HIP1: variants seen among roughly 807,000 people sequenced by gnomAD.
HIP1 encodes the protein huntingtin interacting protein 1.
HIP1 carries 65 observed loss-of-function variants against 147.6 expected under a neutral mutation model. The ratio of observed to expected loss-of-function variants is 0.44; its 90% CI spans 0.36 to 0.54. The LOEUF is 0.54. Among genes scored for constraint, HIP1 ranks in the 20% least tolerant of loss-of-function variants. The pLI, the probability that HIP1 is intolerant of heterozygous loss-of-function variation, is 0.00. For synonymous variants in HIP1, 479 were observed against 504.0 expected (o/e 0.95, Z 0.67); for missense variants, 1,061 against 1,299.6 (o/e 0.82, Z 2.82).
intron 1 of HIP1, among the ~76,000 whole-genome samples, chr7:75,668,716 A>T (rs1799635882): frequency 6.6e-6 from 1 of 152,190 alleles, no homozygotes; most frequent in Non-Finnish European, 1.5e-5. Flanking sequence ...CAACTGCAGC[A>T]TCTGCAACAT....
chr7:75,711,181 T>C (rs188568825), intron 1 of HIP1, among the ~76,000 whole-genome samples: 136 of 152,318 alleles, frequency 8.9e-4, no homozygotes, highest in African/African-American at 2.8e-3. Context: ...ACTTACAAAT[T>C]AGCAACCTTC....
chr7:75,738,759 C>T lies in HIP1; in HGVS notation c.120+42G>A, dbSNP rs547067758. ...AAAGCCCCTCCCGGACACCGCGTCC[C>T]TCAGGGTGCCCCAGGGATGCCCCGG... On this transcript the variant is annotated intron_variant, in intron 1 of 30. Transcript: ENST00000336926. 4.2e-5 allele frequency: 66 copies of T among 1,586,242 alleles called. 1 individual carries two copies. The South Asian group carries it at 7.3e-4, about 18-fold the overall frequency.
At chr7:75,583,805 T>TGTGTGTGTGTGTGTGTG (rs1554499082) in intron 5 of HIP1, among the ~76,000 whole-genome samples, 2 of 135,150 alleles carry the variant, frequency 1.5e-5, no homozygotes, top group Non-Finnish European at 3.2e-5. Context: ...TGTGTGTGTG[T>TGTGTGTGTGTGTGTGTG]TTAGTAGAGA....
chr7:75,646,135 A>G (rs1437572257), intron 1 of HIP1, among the ~76,000 whole-genome samples: 1 of 152,046 alleles, frequency 6.6e-6, no homozygotes, highest in Non-Finnish European at 1.5e-5. Flanking sequence ...GCTGGAGTGC[A>G]GTGGTGCAAT....
At chr7:75,610,294 G>A (rs1265889779) in intron 1 of HIP1, among the ~76,000 whole-genome samples, 2 of 148,878 alleles carry the variant, frequency 1.3e-5, no homozygotes, top group Non-Finnish European at 3.0e-5. Flanking sequence ...CTGCAGCCTT[G>A]AACGCCTGTG....
intron 1 of HIP1, among the ~76,000 whole-genome samples, chr7:75,636,958 C>T (rs1373204435): frequency 1.3e-5 from 2 of 152,182 alleles, no homozygotes; most frequent in African/African-American, 4.8e-5. Context: ...CCATCCTCTT[C>T]CTGCGATTCT....
chr7:75,687,994 G>T (rs191086415), intron 1 of HIP1, among the ~76,000 whole-genome samples: 47 of 152,134 alleles, frequency 3.1e-4, no homozygotes, highest in Admixed American at 1.4e-3. Context: ...AGCCCATGTG[G>T]TACCACTTTT....
intron 21 of HIP1, 135 bp from the exon 22 acceptor site, chr7:75,553,724 G>A: frequency 1.3e-6 from 1 of 782,888 alleles, no homozygotes; most frequent in Non-Finnish European, 2.0e-6. Context: ...TCCTGCCTCG[G>A]CCTCCCAAGT....
chr7:75,652,832 G>A (rs960960603), intron 1 of HIP1, among the ~76,000 whole-genome samples: 35 of 152,146 alleles, frequency 2.3e-4, no homozygotes, highest in African/African-American at 7.5e-4. Flanking sequence ...GTGTGGAAGA[G>A]GCTTTATATC....
At chr7:75,732,383 T>C (rs1402540416) in intron 1 of HIP1, among the ~76,000 whole-genome samples, 1 of 152,134 alleles carries the variant, frequency 6.6e-6, no homozygotes, top group Non-Finnish European at 1.5e-5. Flanking sequence ...TTGTGTTGTT[T>C]TTCCTTTTAC....
chr7:75,655,034 C>A (rs1216507645), intron 1 of HIP1, among the ~76,000 whole-genome samples: 2 of 152,200 alleles, frequency 1.3e-5, no homozygotes, highest in Non-Finnish European at 1.5e-5. Context: ...CCCAGCAATG[C>A]CACTCCTGGG....
In HIP1 at chr7:75,738,863, T is replaced by C. The variant is rs782553829; in HGVS notation, c.58A>G (p.Ser20Gly). The change falls in exon 1 of 31, where the codon AGC becomes GGC. Residue 20 changes from serine (S) to glycine (G), a missense_variant. Physicochemically the swap from Ser to Gly is moderately conservative, Grantham distance 56. Around this residue, in one of 3 missense-constraint regions of HIP1, gnomAD observed 225 missense variants for 292.9 expected, o/e 0.77. Coordinates refer to ENST00000336926, the MANE Select transcript of HIP1 (RefSeq NM_005338.7). ...QVPNPLPKVL[S>G]RRGVGAGLEA... Reference sequence around the variant, plus strand: ...AGCCCAGCGCCGACCCCGCGCCGGCTCAGCACCTTGGGCAGTGGGTTGGGC... The same window carrying C: ...AGCCCAGCGCCGACCCCGCGCCGGCCCAGCACCTTGGGCAGTGGGTTGGGC... 4 of 1,581,814 alleles carry C rather than the reference T, an allele frequency of 2.5e-6. No homozygotes were observed. In the East Asian group the frequency reaches 9.5e-5, roughly 37 times the overall value.
intron 29 of HIP1, among the ~76,000 whole-genome samples, chr7:75,540,244 A>G (rs1346516124): frequency 6.6e-6 from 1 of 152,098 alleles, no homozygotes; most frequent in Non-Finnish European, 1.5e-5. Context: ...CCTGACAAAC[A>G]TGATGAAACC....
At chr7:75,553,270 T>C (rs887391615) in intron 22 of HIP1, among the ~76,000 whole-genome samples, 183 bp downstream of exon 22, 1 of 151,512 alleles carries the variant, frequency 6.6e-6, no homozygotes, top group African/African-American at 2.4e-5. Context: ...CCTCCCAAAG[T>C]GCTGGGATTA....
At chr7:75,563,565 T>A (rs1554494988) in intron 9 of HIP1, among the ~76,000 whole-genome samples, 2 of 152,252 alleles carry the variant, frequency 1.3e-5, no homozygotes, top group Non-Finnish European at 1.5e-5. Context: ...CAGATTTAAC[T>A]TCCGAGGAGT....
At chr7:75,677,951 C>G (rs1324168720) in intron 1 of HIP1, among the ~76,000 whole-genome samples, 1 of 152,124 alleles carries the variant, frequency 6.6e-6, no homozygotes, top group African/African-American at 2.4e-5. Context: ...CACCCACCCT[C>G]TCTAATGTAA....
chr7:75,659,760 T>C (rs1467141217), intron 1 of HIP1, among the ~76,000 whole-genome samples: 1 of 152,188 alleles, frequency 6.6e-6, no homozygotes, highest in African/African-American at 2.4e-5. Flanking sequence ...TCTTAGCAGA[T>C]GCTGCTAAGA....
Position 75,639,562 on chromosome 7 carries a change from C to CGTGTGTGTGTGTGT in HIP1, c.121-40329_121-40316dup, listed in dbSNP as rs57827695. The stretch of plus-strand genomic sequence containing the variant: ...GAGAGGCCGCCGGCCCGCCAGGAAG[C>CGTGTGTGTGTGTGT]GTGTGTGTGTGTGTGTGTGTGTGTG... On this transcript the variant is annotated intron_variant, in intron 1 of 30. Transcript: ENST00000336926. 4.4e-3 allele frequency among the ~76,000 whole-genome samples: 609 copies of CGTGTGTGTGTGTGT among 137,454 alleles called. 5 individuals carry two copies. Among genetic ancestry groups the CGTGTGTGTGTGTGT allele is most frequent in the African/African-American group, 0.015 (549 of 35,946 alleles). The allele number at this position is 137,454 out of a possible 152,430, so 90.2% of individuals were successfully genotyped here.
intron 1 of HIP1, among the ~76,000 whole-genome samples, chr7:75,724,400 A>G (rs1554522122): frequency 6.6e-6 from 1 of 151,580 alleles, no homozygotes; most frequent in East Asian, 1.9e-4. Flanking sequence ...GGCACCCGGC[A>G]CCATGCTTGG....
Sources: gnomAD v4.1 joint callset for allele counts (sites outside exome capture counted in the v4.1 genomes callset) on GRCh38, gnomAD v4.1.1 for gene constraint, gnomAD v4.1.1 regional missense constraint, MANE v1.5 for transcripts, NCBI Gene and HGNC (gene_info 2026-07-23, HGNC 2026-07-21) for gene names.